The following LDLRAP1 variants were observed in gnomAD, a reference collection of about 807,000 sequenced individuals.
LDLRAP1 encodes the protein low density lipoprotein receptor adapter protein 1.
A neutral mutation model predicts 37.8 loss-of-function variants in LDLRAP1; 30 were observed. That is an observed-to-expected ratio of 0.79 (90% CI 0.59 to 1.08). The LOEUF (loss-of-function observed/expected upper bound fraction) is 1.08. Ranked by LOEUF, LDLRAP1 falls within the 50% of genes least tolerant of loss-of-function variation. LDLRAP1 has a pLI of 0.00. For synonymous variants in LDLRAP1, 156 were observed against 169.8 expected, an observed-to-expected ratio of 0.92 and a Z score of 0.63; for missense variants, 375 against 401.6, an observed-to-expected ratio of 0.93 and a Z score of 0.57.
At chr1:25,549,144 C>T (rs2044009088) in intron 1 of LDLRAP1, among the ~76,000 whole-genome samples, 2 of 152,204 alleles carry the variant, frequency 1.3e-5, no homozygotes, top group Non-Finnish European at 1.5e-5. Flanking sequence ...CTGAAATTTT[C>T]CTAGTACTTT....
intron 1 of LDLRAP1, among the ~76,000 whole-genome samples, chr1:25,546,675 G>A (rs2043941110): frequency 6.6e-6 from 1 of 152,220 alleles, no homozygotes; most frequent in Non-Finnish European, 1.5e-5. Context: ...GAGAGAAGGG[G>A]TGAAGAAATA....
intron 7 of LDLRAP1, chr1:25,564,009 T>TGA (rs2044415398): frequency 3.2e-6 from 2 of 629,184 alleles, no homozygotes; most frequent in Non-Finnish European, 5.7e-6. Context: ...AGCACAGCTG[T>TGA]CTCCTCACAA....
Position 25,544,608 on chromosome 1 carries a change from C to G in LDLRAP1, c.88+822C>G, listed in dbSNP as rs1280659459. Among the ~76,000 whole-genome samples, 1 of 152,206 alleles carries G rather than the reference C, an allele frequency of 6.6e-6. No homozygotes were observed. Among genetic ancestry groups the G allele is most frequent in the Non-Finnish European group, 1.5e-5 (1 of 68,024 alleles). On this transcript the variant is annotated intron_variant, in intron 1 of 8. Coordinates refer to ENST00000374338, the MANE Select transcript of LDLRAP1 (RefSeq NM_015627.3). This position sits in a 1 kb window ranked among gnomAD's most constrained non-coding sequence, Gnocchi z 4.8. ...GAGGGGCCTCCCCCCCTTTCTCTCC[C>G]CCAGTCTCTGATTACGCTCAGGGAA...
At position 25,555,007 on chromosome 1, in the gene LDLRAP1, C is replaced by T; in HGVS notation, c.344+35C>T. ...GCATGGGGTTGGCCCATCCACTCTG[C>T]CACTTGGGGCAGTGGGTGGAGTATC... On this transcript the variant is annotated intron_variant, in intron 3 of 8. Coordinates refer to ENST00000374338, the MANE Select transcript of LDLRAP1 (RefSeq NM_015627.3). The surrounding 1 kb of genome is among the most constrained non-coding windows in gnomAD (Gnocchi z 4.7). 2 of 1,479,762 alleles carry T rather than the reference C, an allele frequency of 1.4e-6. No individual in the cohort carries two copies. The highest frequency in any genetic ancestry group is 1.9e-6 in the Non-Finnish European group (2 of 1,058,986). The allele number at this position is 1,479,762 out of a possible 1,614,324, so 91.7% of individuals were successfully genotyped here. A position where few individuals can be genotyped will look rare whatever the true frequency, so the allele number is the denominator to read the frequency against.
At chr1:25,587,975 C>T in the LDLRAP1 span, among the ~76,000 whole-genome samples, 6 of 148,102 alleles carry the variant, frequency 4.1e-5, no homozygotes, top group Admixed American at 6.9e-5. Context: ...TAATCTGTAA[C>T]CCTACCCCCA....
chr1:25,575,013 G>A, the LDLRAP1 span, among the ~76,000 whole-genome samples: 3 of 152,194 alleles, frequency 2.0e-5, no homozygotes, highest in African/African-American at 7.2e-5. Context: ...TTGGATACTT[G>A]GGTTCAGGGT....
intron 4 of LDLRAP1, among the ~76,000 whole-genome samples, chr1:25,560,595 C>T (rs1437168952): frequency 1.3e-5 from 2 of 152,242 alleles, no homozygotes; most frequent in Non-Finnish European, 2.9e-5. Flanking sequence ...GGCCAGGCTG[C>T]TCCCTCCCCC....
At chr1:25,582,400 C>T in the LDLRAP1 span, among the ~76,000 whole-genome samples, 1 of 151,886 alleles carries the variant, frequency 6.6e-6, no homozygotes, top group Non-Finnish European at 1.5e-5. Context: ...TCCTGGCGAA[C>T]ACGGTGAAAC....
chr1:25,573,976 G>A, the LDLRAP1 span, among the ~76,000 whole-genome samples: 3 of 152,204 alleles, frequency 2.0e-5, no homozygotes, highest in Non-Finnish European at 4.4e-5. Context: ...TTGTAAATAC[G>A]TAAAAATAGG....
chr1:25,589,836 C>T, the LDLRAP1 span, among the ~76,000 whole-genome samples: 1 of 152,242 alleles, frequency 6.6e-6, no homozygotes, highest in Non-Finnish European at 1.5e-5. Context: ...GGCGCGGTGG[C>T]TCATGCCTGT....
At chr1:25,548,262 A>T (rs2043985154) in intron 1 of LDLRAP1, among the ~76,000 whole-genome samples, 1 of 150,764 alleles carries the variant, frequency 6.6e-6, no homozygotes, top group Non-Finnish European at 1.5e-5. Flanking sequence ...CTTGGTATGT[A>T]CCAGACAAGC....
intron 4 of LDLRAP1, among the ~76,000 whole-genome samples, chr1:25,560,694 T>C (rs924414898): frequency 2.6e-5 from 4 of 152,230 alleles, no homozygotes; most frequent in Non-Finnish European, 4.4e-5. Flanking sequence ...CTGTCTTGGT[T>C]TGAGTTTCTG....
chr1:25,551,448 G>A (rs1439360695), intron 1 of LDLRAP1, among the ~76,000 whole-genome samples: 1 of 152,224 alleles, frequency 6.6e-6, no homozygotes, highest in African/African-American at 2.4e-5. Context: ...TCTGTAAAAT[G>A]GGAATGAGAG....
chr1:25,588,708 C>T, the LDLRAP1 span, among the ~76,000 whole-genome samples: 4 of 152,124 alleles, frequency 2.6e-5, no homozygotes, highest in Non-Finnish European at 5.9e-5. Context: ...TCCCCTGGGC[C>T]CCCTTTTTTC....
the LDLRAP1 span, among the ~76,000 whole-genome samples, chr1:25,585,365 G>A: frequency 4.7e-5 from 7 of 150,166 alleles, no homozygotes; most frequent in Non-Finnish European, 8.9e-5. Flanking sequence ...TCACTCTGTC[G>A]CCCAGGCTGG....
chr1:25,560,401 A>G (rs1048087128), intron 4 of LDLRAP1, among the ~76,000 whole-genome samples: 4 of 152,086 alleles, frequency 2.6e-5, no homozygotes, highest in Non-Finnish European at 5.9e-5. Flanking sequence ...GGGGCAGCAC[A>G]GCCACCCCAG....
downstream of LDLRAP1, among the ~76,000 whole-genome samples, chr1:25,571,697 A>C (rs1388813522): frequency 6.6e-6 from 1 of 152,236 alleles, no homozygotes; most frequent in Non-Finnish European, 1.5e-5. Context: ...TCTGCAGGTC[A>C]CTTGGGACAT....
chr1:25,576,756 C>T, the LDLRAP1 span, among the ~76,000 whole-genome samples: 4 of 152,236 alleles, frequency 2.6e-5, no homozygotes, highest in Non-Finnish European at 4.4e-5. Context: ...TTCACAGAGG[C>T]TCTCTCCCAC....
chr1:25,579,950 G>A, the LDLRAP1 span, among the ~76,000 whole-genome samples: 15 of 151,956 alleles, frequency 9.9e-5, no homozygotes, highest in Non-Finnish European at 4.4e-5. Context: ...TTCCAAACCC[G>A]CCAGGTTTCT....
Sources: allele counts gnomAD v4.1 joint callset (sites outside exome capture counted in the v4.1 genomes callset), GRCh38; gene constraint gnomAD v4.1.1; non-coding constraint Gnocchi (gnomAD v3.1); transcripts MANE v1.5; gene names NCBI Gene and HGNC (gene_info 2026-07-23, HGNC 2026-07-21).